Variants in WDR73 observed in about 807,000 individuals in gnomAD.
WDR73 encodes the protein WD repeat domain 73, also known as integrator complex assembly factor WDR73.
Under a neutral mutation model 38.2 loss-of-function variants are expected in WDR73, and 30 were observed. That is an observed-to-expected ratio of 0.79 (90% CI 0.59 to 1.06). The LOEUF is 1.06. Ranked by LOEUF, WDR73 falls within the 50% of genes least tolerant of loss-of-function variation. WDR73 has a pLI of 0.00. For missense variants in WDR73, 487 were observed against 467.0 expected (o/e 1.04, Z -0.40); for synonymous variants, 197 against 176.0 (o/e 1.12, Z -0.94).
intron 5 of WDR73, chr15:84,647,312 C>CA (rs1200904067): frequency 6.5e-6 from 1 of 153,860 alleles, no homozygotes; most frequent in African/African-American, 2.4e-5. Flanking sequence ...GAGGTGAGCT[C>CA]ACCTGAGCAG....
In WDR73 at chr15:84,640,820, A is replaced by C. The variant is rs1052382703; in HGVS notation, c.*2650T>G. ...TTTGTTGTTCTTGGGCAACCTCTTT[A>C]AATACCCTTAGCCTCCATTTTCTCA... is the stretch of plus-strand genomic sequence containing the variant. On this transcript the variant is annotated 3_prime_UTR_variant, in exon 8 of 8. Coordinates refer to ENST00000434634, the MANE Select transcript of WDR73 (RefSeq NM_032856.5). 50 of 152,222 alleles carry C rather than the reference A, an allele frequency of 3.3e-4. No homozygotes were observed. The highest frequency in any genetic ancestry group is 1.1e-3 in the African/African-American group (46 of 41,456). 9.4% of individuals were successfully genotyped at this position (152,222 alleles called of 1,614,324 possible). A position where few individuals can be genotyped will look rare whatever the true frequency, so the allele number is the denominator to read the frequency against.
intron 2 of WDR73, 133 bp downstream of exon 2, chr15:84,653,499 T>C: frequency 1.5e-6 from 1 of 656,990 alleles, no homozygotes. Flanking sequence ...ATATTAGTGC[T>C]GATGGGGCAT....
chr15:84,652,602 C>T (rs534922642), intron 3 of WDR73, 112 bp downstream of exon 3: 6 of 596,202 alleles, frequency 1.0e-5, no homozygotes, highest in South Asian at 7.9e-5. Flanking sequence ...GCAGGCCTAG[C>T]GCTTTCTCTC....
chr15:84,645,639 GCCCAGGGCCCTGGC>G lies in WDR73; in HGVS notation c.701_714del (p.Gly234AlafsTer16). 1 of 1,608,270 alleles carries G rather than the reference GCCCAGGGCCCTGGC, an allele frequency of 6.2e-7. No individual in the cohort carries two copies. Among genetic ancestry groups the G allele is most frequent in the Non-Finnish European group, 8.5e-7 (1 of 1,177,528 alleles). Reference sequence around the variant, plus strand: ...TCTGAGCCAAGGCTGGCAATGCTGGGCCCAGGGCCCTGGCCCCAGCTCCCAACTTCAGCACACCA... The same window carrying G: ...TCTGAGCCAAGGCTGGCAATGCTGGGCCCAGCTCCCAACTTCAGCACACCA... On this transcript the variant is annotated frameshift_variant, in exon 7 of 8. Transcript: ENST00000434634. LOFTEE classifies it high-confidence loss of function.
rs1407389004 is a variant in WDR73 at position 84,645,472 on chromosome 15, TGA to T, written c.880_881del (p.Ser294ArgfsTer3). On this transcript the variant is annotated frameshift_variant and splice_region_variant, in exon 7 of 8. Transcript: ENST00000434634. LOFTEE classifies it high-confidence loss of function. ...APGLKNCLAI[S>X]GFDGTVQVYD... is the part of the protein sequence containing the mutation. Reference sequence around the variant, plus strand: ...AGACGAAATCCTGCTCGGCAGTACCTGAGATGGCCAAGCAATTCTTCAGGCCT... The same window carrying T: ...AGACGAAATCCTGCTCGGCAGTACCTGATGGCCAAGCAATTCTTCAGGCCT... The T allele has an allele frequency of 6.2e-7, 1 of 1,611,728 alleles. No homozygotes were observed. Among genetic ancestry groups the T allele is most frequent in the African/African-American group, 1.3e-5 (1 of 74,884 alleles).
At chr15:84,643,806 G>A (rs1461169039) in intron 7 of WDR73, 83 bp from the exon 8 acceptor site, 1 of 1,418,368 alleles carries the variant, frequency 7.1e-7, no homozygotes, top group Admixed American at 2.7e-5. Flanking sequence ...TAATAGAGAT[G>A]GGGTTTCACC....
At chr15:84,652,897 G>A (rs1896668511) in intron 2 of WDR73, 95 bp from the exon 3 acceptor site, 1 of 690,526 alleles carries the variant, frequency 1.4e-6, no homozygotes, top group Non-Finnish European at 2.4e-6. Context: ...TCACTGTGCA[G>A]CCTTGTATGG....
chr15:84,653,630 A>G lies in WDR73; in HGVS notation c.109+2T>C. On this transcript the variant is annotated splice_donor_variant, in intron 2 of 7. Transcript: ENST00000434634. LOFTEE classifies it high-confidence loss of function. ...TCCTTCAGGGCTAGAAAGGTATACC[A>G]CCTTTGTCATCAATCCATTCAAGGA... 1 of 1,586,040 alleles carries G rather than the reference A, an allele frequency of 6.3e-7. No homozygotes were observed. The highest frequency in any genetic ancestry group is 8.6e-7 in the Non-Finnish European group (1 of 1,165,266).
rs1167120905 is a variant in WDR73 at position 84,646,331 on chromosome 15, T to C, written c.370A>G (p.Ser124Gly). The change falls in exon 6 of 8, where the codon AGC (serine) becomes GGC (glycine). Residue 124 changes from serine (S) to glycine (G), a missense_variant. Ser to Gly is a moderately conservative substitution (Grantham distance 56). Coordinates refer to ENST00000434634, the MANE Select transcript of WDR73 (RefSeq NM_032856.5). The part of the protein sequence containing the change: ...AEDSDVIKAV[S>G]TIAVHEKEES... Reference sequence around the variant, plus strand: ...TCTTTCTCATGCACAGCAATGGTGCTGACAGCTTTAATGACATCTAGGGGA... The same window carrying C: ...TCTTTCTCATGCACAGCAATGGTGCCGACAGCTTTAATGACATCTAGGGGA... The C allele has an allele frequency of 6.2e-6, 10 of 1,613,080 alleles. No homozygotes were observed. Among genetic ancestry groups the C allele is most frequent in the Non-Finnish European group, 7.6e-6 (9 of 1,179,212 alleles).
chr15:84,647,624 G>C, intron 5 of WDR73: 1 of 450,054 alleles, frequency 2.2e-6, no homozygotes, highest in Non-Finnish European at 4.1e-6. Flanking sequence ...AGTCTCCCCA[G>C]TAGCAGGGAT....
At chr15:84,643,876 C>CA in intron 7 of WDR73, 153 bp from the exon 8 acceptor site, 1 of 908,600 alleles carries the variant, frequency 1.1e-6, no homozygotes, top group South Asian at 2.1e-5. Context: ...CTCAGCCTCC[C>CA]AAAATGCTGG....
chr15:84,649,311 G>C (rs1896553230), intron 3 of WDR73, among the ~76,000 whole-genome samples: 1 of 152,226 alleles, frequency 6.6e-6, no homozygotes, highest in Non-Finnish European at 1.5e-5. Flanking sequence ...CAAAGCTGGT[G>C]GTGAGCGGGG....
intron 3 of WDR73, 62 bp from the exon 4 acceptor site, chr15:84,648,687 C>G (rs1896536903): frequency 7.5e-7 from 1 of 1,340,068 alleles, no homozygotes; most frequent in Admixed American, 1.7e-5. Context: ...CAGAGGAACT[C>G]TAAGTGAGGA....
intron 4 of WDR73, 82 bp from the exon 5 acceptor site, chr15:84,648,036 T>C: frequency 7.9e-7 from 1 of 1,261,122 alleles, no homozygotes; most frequent in East Asian, 2.3e-5. Flanking sequence ...ACACTTAGCT[T>C]GGGACTCCAC....
In WDR73 at chr15:84,650,552, G is replaced by A. The variant is rs187769167; in HGVS notation, c.199-1927C>T. ...ATTTTTGTATTATTAGTAGAGATGG[G>A]GTTTCACCATATTGGCCAGACTGGT... On this transcript the variant is annotated intron_variant, in intron 3 of 7. Transcript: ENST00000434634. Among the ~76,000 whole-genome samples, 16 of 152,228 alleles carry A rather than the reference G, an allele frequency of 1.1e-4. No individual in the cohort carries two copies. In the East Asian group the frequency reaches 2.5e-3, roughly 24 times the overall value.
rs766568093 is a variant in WDR73, at chr15:84,641,083, T to G, written c.*2387A>C. 6.6e-6 allele frequency: 1 copy of G among 152,194 alleles called. No individual in the cohort carries two copies. Among genetic ancestry groups the G allele is most frequent in the Non-Finnish European group, 1.5e-5 (1 of 68,060 alleles). The allele number at this position is 152,194 out of a possible 1,614,324, so 9.4% of individuals were successfully genotyped here. A position where few individuals can be genotyped will look rare whatever the true frequency, so the allele number is the denominator to read the frequency against. Reference sequence around the variant, plus strand: ...GAGGCACTATCATTCTCATTTCACCTGTCACTTCCAGACATGGGAGCAGAA... The same window carrying G: ...GAGGCACTATCATTCTCATTTCACCGGTCACTTCCAGACATGGGAGCAGAA... On this transcript the variant is annotated 3_prime_UTR_variant, in exon 8 of 8. Coordinates refer to ENST00000434634, the MANE Select transcript of WDR73 (RefSeq NM_032856.5).
chr15:84,644,598 G>A (rs1186672667), intron 7 of WDR73: 1 of 31,030 alleles, frequency 3.2e-5, no homozygotes, highest in Non-Finnish European at 6.8e-5. Flanking sequence ...TTTTTTTTTT[G>A]AGACAGAGTC....
Position 84,643,582 on chromosome 15 carries a change from G to A in WDR73, c.1025C>T (p.Pro342Leu), listed in dbSNP as rs1180629438. 1.2e-6 allele frequency: 2 copies of A among 1,612,458 alleles called. No homozygotes were observed. The highest frequency in any genetic ancestry group is 1.3e-5 in the African/African-American group (1 of 74,926). Residue 342 changes from proline to leucine, a missense_variant, in exon 8 of 8, where the codon CCT (proline) becomes CTT (leucine). Coordinates refer to ENST00000434634, the MANE Select transcript of WDR73 (RefSeq NM_032856.5). ...FLDGNGMDPAPLVTTHTWHPC... is the reference protein window; with the variant it reads ...FLDGNGMDPALLVTTHTWHPC... ...ATGCCAGGTGTGGGTGGTGACCAAA[G>A]GAGCAGGGTCCATCCCATTTCCATC...
Position 84,645,503 on chromosome 15 carries a change from G to A in WDR73, c.851C>T (p.Ala284Val). The change falls in exon 7 of 8, where the codon GCC (alanine) becomes GTC (valine). Residue 284 changes from alanine to valine, a missense_variant. Physicochemically the swap from Ala to Val is moderately conservative, Grantham distance 64. Transcript: ENST00000434634. ...PDPELLRVTW[A>V]PGLKNCLAIS... ...GGCCAAGCAATTCTTCAGGCCTGGG[G>A]CCCAAGTCACTCGCAGCAGCTCTGG... 3 of 1,612,488 alleles carry A rather than the reference G, an allele frequency of 1.9e-6. No homozygotes were observed. The highest frequency in any genetic ancestry group is 2.5e-6 in the Non-Finnish European group (3 of 1,179,254).
Sources: allele counts gnomAD v4.1 joint callset (sites outside exome capture counted in the v4.1 genomes callset), GRCh38; gene constraint gnomAD v4.1.1; transcripts MANE v1.5; gene names NCBI Gene and HGNC (gene_info 2026-07-23, HGNC 2026-07-21).